JDP2: variants seen among roughly 807,000 people sequenced by gnomAD.
The protein encoded by JDP2 is Jun dimerization protein 2.
In JDP2, 9 loss-of-function variants were observed where a neutral mutation model predicts 17.1. The ratio of observed to expected loss-of-function variants is 0.53; its 90% CI spans 0.32 to 0.92. The LOEUF (loss-of-function observed/expected upper bound fraction) is 0.92, where lower values mean the gene tolerates loss of function less well. Ranked by LOEUF, JDP2 falls within the 40% of genes least tolerant of loss-of-function variation. The probability of loss-of-function intolerance (pLI) is 0.04; values close to 1 mark genes in which losing one functional copy is unlikely to be tolerated. For synonymous variants in JDP2, 107 were observed against 95.6 expected (o/e 1.12, Z -0.69); for missense variants, 179 against 220.0 (o/e 0.81, Z 1.18).
At chr14:75,431,903 T>G (rs1884815028) in intron 1 of JDP2, among the ~76,000 whole-genome samples, 1 of 152,264 alleles carries the variant, frequency 6.6e-6, no homozygotes, top group South Asian at 2.1e-4. Context: ...CTGTTCCAGG[T>G]ACTTTCCAAG....
In JDP2 at chr14:75,455,732, G is replaced by A. The variant is rs1289481924; in HGVS notation, c.202-5694G>A. Among the ~76,000 whole-genome samples the A allele has an allele frequency of 3.9e-5, 6 of 152,224 alleles. No homozygotes were observed. The East Asian group carries it at 5.8e-4, about 15-fold the overall frequency. On this transcript the variant is annotated intron_variant, in intron 2 of 3. Coordinates refer to ENST00000651602, the MANE Select transcript of JDP2 (RefSeq NM_001135048.2). Reference sequence around the variant, plus strand: ...GTTCCAATCATCACTCCTGACCCTAGCCTCAGGCCGGAGGTGTTCGTGACT... The same window carrying A: ...GTTCCAATCATCACTCCTGACCCTAACCTCAGGCCGGAGGTGTTCGTGACT...
chr14:75,447,832 A>G (rs1885673580), intron 2 of JDP2, among the ~76,000 whole-genome samples: 1 of 151,766 alleles, frequency 6.6e-6, no homozygotes. Context: ...TAATTTTTGT[A>G]TTTTTAGTAG....
chr14:75,437,680 C>T (rs925357453), intron 1 of JDP2, among the ~76,000 whole-genome samples: 1 of 152,222 alleles, frequency 6.6e-6, no homozygotes, highest in Non-Finnish European at 1.5e-5. Context: ...AAAAGGCAGA[C>T]ACTTCTGGCA....
At chr14:75,446,277 C>A (rs574640183) in intron 2 of JDP2, among the ~76,000 whole-genome samples, 1 of 152,182 alleles carries the variant, frequency 6.6e-6, no homozygotes, top group South Asian at 2.1e-4. Context: ...AGTTCCCATG[C>A]GATCCAGCCA....
chr14:75,462,750 T>C (rs1367834866), intron 3 of JDP2, among the ~76,000 whole-genome samples: 1 of 151,950 alleles, frequency 6.6e-6, no homozygotes, highest in African/African-American at 2.4e-5. Context: ...CTCTGGAGGG[T>C]CTATGGGCAT....
chr14:75,449,707 A>G (rs1434687400), intron 2 of JDP2, among the ~76,000 whole-genome samples: 1 of 152,254 alleles, frequency 6.6e-6, no homozygotes, highest in Non-Finnish European at 1.5e-5. Flanking sequence ...AGCAAAAGAC[A>G]TCCTTCCCCA....
At position 75,429,015 on chromosome 14, in the gene JDP2, G is replaced by C. The variant is rs140937772; in HGVS notation, c.-24+763G>C. Among the ~76,000 whole-genome samples the C allele has an allele frequency of 2.5e-3, 379 of 152,188 alleles. 2 individuals are homozygous for C. The highest frequency in any genetic ancestry group is 8.8e-3 in the African/African-American group (364 of 41,540). On this transcript the variant is annotated intron_variant, in intron 1 of 3. Transcript: ENST00000651602. ...TCCCTTCAAAGGAGGTTGTCGAGGG[G>C]TAGGGGTGCAGTGGGGGGTGGGAGA...
At chr14:75,455,616 G>C (rs74067245) in intron 2 of JDP2, among the ~76,000 whole-genome samples, 227 of 152,226 alleles carry the variant, frequency 1.5e-3, no homozygotes, top group African/African-American at 5.4e-3. Context: ...TCCCTGCTGG[G>C]CACCCATTGG....
At chr14:75,465,768 C>T (rs1231285057) in intron 3 of JDP2, among the ~76,000 whole-genome samples, 2 of 152,210 alleles carry the variant, frequency 1.3e-5, no homozygotes, top group Admixed American at 6.5e-5. Flanking sequence ...CAGCCCTTCA[C>T]CTTGTATTCT....
At chr14:75,459,768 C>T (rs922484422) in intron 2 of JDP2, among the ~76,000 whole-genome samples, 1 of 152,166 alleles carries the variant, frequency 6.6e-6, no homozygotes, top group Non-Finnish European at 1.5e-5. Flanking sequence ...GTCCCCAGCC[C>T]AGCTGGTCCT....
chr14:75,449,720 T>A (rs112863670), intron 2 of JDP2, among the ~76,000 whole-genome samples: 1 of 152,272 alleles, frequency 6.6e-6, no homozygotes, highest in Non-Finnish European at 1.5e-5. Context: ...CTTCCCCAAA[T>A]AGCTCTTCTC....
In JDP2 at chr14:75,472,269, A is replaced by G. The variant is rs1274608916; in HGVS notation, c.*2794A>G. 2.0e-5 allele frequency: 3 copies of G among 152,240 alleles called. No individual in the cohort carries two copies. The highest frequency in any genetic ancestry group is 7.2e-5 in the African/African-American group (3 of 41,458). 9.4% of individuals were successfully genotyped at this position (152,240 alleles called of 1,614,324 possible). A position where few individuals can be genotyped will look rare whatever the true frequency, so the allele number is the denominator to read the frequency against. ...CAGATGAGAAAACCGAGGCACACAG[A>G]AGAGGTAACCTGCCCAAGGTCACAG... On this transcript the variant is annotated 3_prime_UTR_variant, in exon 4 of 4. Transcript: ENST00000651602.
At position 75,432,117 on chromosome 14, in the gene JDP2, G is replaced by T. The variant is rs571163827; in HGVS notation, c.-24+3865G>T. On this transcript the variant is annotated intron_variant, in intron 1 of 3. Coordinates refer to ENST00000651602, the MANE Select transcript of JDP2 (RefSeq NM_001135048.2). Reference sequence around the variant, plus strand: ...AACCCCCCCTTCCTCTTGGCCTGCAGAGCTGGGGACAGCCATCTGAAGAGG... The same window carrying T: ...AACCCCCCCTTCCTCTTGGCCTGCATAGCTGGGGACAGCCATCTGAAGAGG... 8 of 594,088 alleles carry T rather than the reference G, an allele frequency of 1.3e-5. No homozygotes were observed. The South Asian group carries it at 1.6e-4, about 12-fold the overall frequency. 36.8% of individuals were successfully genotyped at this position (594,088 alleles called of 1,614,324 possible).
intron 2 of JDP2, among the ~76,000 whole-genome samples, chr14:75,455,646 C>A (rs770477657): frequency 1.3e-5 from 2 of 152,094 alleles, no homozygotes; most frequent in Non-Finnish European, 1.5e-5. Flanking sequence ...TGTTCCTCTA[C>A]CAAAGAGCAC....
At chr14:75,439,177 G>C (rs1244569561) in intron 2 of JDP2, among the ~76,000 whole-genome samples, 2 of 152,204 alleles carry the variant, frequency 1.3e-5, no homozygotes, top group African/African-American at 4.8e-5. Context: ...GTAGGGGAGA[G>C]CTGGGGATAT....
At position 75,472,667 on chromosome 14, in the gene JDP2, GTGT is replaced by G. The variant is rs1886840164; in HGVS notation, c.*3194_*3196del. 2.0e-5 allele frequency: 3 copies of G among 152,242 alleles called. No homozygotes were observed. Among genetic ancestry groups the G allele is most frequent in the African/African-American group, 7.2e-5 (3 of 41,460 alleles). 9.4% of individuals were successfully genotyped at this position (152,242 alleles called of 1,614,324 possible). ...ATCAAAAAAGGAATGGATATACAAAGTGTTTTGTGAAATAAAAGCTCCCTAAAA... is the reference window on the plus strand; with the variant it reads ...ATCAAAAAAGGAATGGATATACAAAGTTTGTGAAATAAAAGCTCCCTAAAA... On this transcript the variant is annotated 3_prime_UTR_variant, in exon 4 of 4. Coordinates refer to ENST00000651602, the MANE Select transcript of JDP2 (RefSeq NM_001135048.2).
intron 2 of JDP2, among the ~76,000 whole-genome samples, chr14:75,449,326 T>C (rs1885747058): frequency 6.6e-6 from 1 of 152,232 alleles, no homozygotes; most frequent in Non-Finnish European, 1.5e-5. Flanking sequence ...AGAACAGCCT[T>C]GTTCATAAAT....
At chr14:75,431,026 G>T (rs569104078) in intron 1 of JDP2, among the ~76,000 whole-genome samples, 22 of 152,196 alleles carry the variant, frequency 1.4e-4, no homozygotes, top group African/African-American at 4.8e-4. Flanking sequence ...AGCTTCAGCT[G>T]GCCAGTGGCA....
Position 75,438,003 on chromosome 14 carries a change from C to G in JDP2, c.83C>G (p.Ser28Trp). 1.2e-6 allele frequency: 2 copies of G among 1,613,834 alleles called. No individual in the cohort carries two copies. The highest frequency in any genetic ancestry group is 1.7e-6 in the Non-Finnish European group (2 of 1,179,900). Residue 28 changes from serine (S) to tryptophan (W), a missense_variant, in exon 2 of 4, where the codon TCG becomes TGG. By Grantham distance (177) the Ser-to-Trp change is radical. Transcript: ENST00000651602. ...GLGPLTGLPSSALTVEELKYA... is the reference protein window; with the variant it reads ...GLGPLTGLPSWALTVEELKYA... ...GGCCCCCTGACCGGGCTCCCCAGCT[C>G]GGCCCTGACTGTGGAGGAGCTGAAA... is the stretch of plus-strand genomic sequence containing the variant.
Sources: gnomAD v4.1 joint callset for allele counts (sites outside exome capture counted in the v4.1 genomes callset) on GRCh38, gnomAD v4.1.1 for gene constraint, MANE v1.5 for transcripts, NCBI Gene and HGNC (gene_info 2026-07-23, HGNC 2026-07-21) for gene names.